TRPM3: variants seen among roughly 807,000 people sequenced by gnomAD.
TRPM3 encodes the protein long transient receptor potential channel 3.
In TRPM3, 77 loss-of-function variants were observed where a neutral mutation model predicts 181.2. The observed-to-expected ratio is 0.42, with a 90% CI of 0.35 to 0.51. The LOEUF (loss-of-function observed/expected upper bound fraction) is 0.51. TRPM3 is among the 20% of genes least tolerant of loss of function. The pLI, the probability that TRPM3 is intolerant of heterozygous loss-of-function variation, is 0.01. For synonymous variants in TRPM3, 745 were observed against 796.4 expected, an observed-to-expected ratio of 0.94 and a Z score of 1.09; for missense variants, 1,759 against 2,196.7, an observed-to-expected ratio of 0.80 and a Z score of 3.98.
At position 70,625,183 on chromosome 9, in the gene TRPM3, A is replaced by G. The variant is rs376349563; in HGVS notation, c.1809+8T>C. The G allele has an allele frequency of 2.5e-6, 4 of 1,613,802 alleles. No homozygotes were observed. The African/African-American group carries it at 5.3e-5, about 22-fold the overall frequency. On this transcript the variant is annotated splice_region_variant and intron_variant, in intron 14 of 25. Coordinates refer to ENST00000677713, the MANE Select transcript of TRPM3 (RefSeq NM_001366145.2). The surrounding 1 kb of genome is among the most constrained non-coding windows in gnomAD (Gnocchi z 4.8). ...CAGGAAGGGCCCCGAATTTGCAGCCAGCCTCACCCTCTTGGGGCCGAAGAG... is the reference window on the plus strand; with the variant it reads ...CAGGAAGGGCCCCGAATTTGCAGCCGGCCTCACCCTCTTGGGGCCGAAGAG...
intron 1 of TRPM3, among the ~76,000 whole-genome samples, chr9:71,224,690 G>T (rs536171238): frequency 6.6e-6 from 1 of 152,016 alleles, no homozygotes; most frequent in South Asian, 2.1e-4. Flanking sequence ...TCAGATATAT[G>T]TAACAAGAAA....
chr9:70,659,965 CTGT>C (rs2060887937), intron 9 of TRPM3, among the ~76,000 whole-genome samples: 1 of 152,130 alleles, frequency 6.6e-6, no homozygotes, highest in Non-Finnish European at 1.5e-5. Context: ...GTTCTTTTGT[CTGT>C]TGTTGTTTTT....
At chr9:71,178,992 G>A (rs552761373) in intron 1 of TRPM3, among the ~76,000 whole-genome samples, 1 of 152,068 alleles carries the variant, frequency 6.6e-6, no homozygotes, top group African/African-American at 2.4e-5. Context: ...ACATTTTAAA[G>A]AACAGTTTAA....
intron 11 of TRPM3, 65 bp downstream of exon 11, chr9:70,638,995 G>T: frequency 6.4e-7 from 1 of 1,558,980 alleles, no homozygotes; most frequent in South Asian, 1.2e-5. Context: ...AGGCATATGG[G>T]GGGCAGGAGA....
At chr9:70,551,711 ATCAT>A (rs2046494366) in intron 24 of TRPM3, among the ~76,000 whole-genome samples, 1 of 152,192 alleles carries the variant, frequency 6.6e-6, no homozygotes, top group African/African-American at 2.4e-5. Flanking sequence ...ACTGCAGGCT[ATCAT>A]TCATTAGAGC....
At chr9:71,182,593 T>A (rs1477418902) in intron 1 of TRPM3, among the ~76,000 whole-genome samples, 1 of 152,172 alleles carries the variant, frequency 6.6e-6, no homozygotes, top group Non-Finnish European at 1.5e-5. Context: ...GAGTCTTACC[T>A]GATCAAATTC....
At chr9:70,832,046 A>T (rs2093969207) in intron 5 of TRPM3, among the ~76,000 whole-genome samples, 2 of 132,334 alleles carry the variant, frequency 1.5e-5, no homozygotes, top group Non-Finnish European at 3.2e-5. Flanking sequence ...ATTAAAAAAA[A>T]AAACCAAACA....
At chr9:70,788,812 T>C (rs2084581180) in intron 6 of TRPM3, among the ~76,000 whole-genome samples, 2 of 152,110 alleles carry the variant, frequency 1.3e-5, no homozygotes, top group Admixed American at 1.3e-4. Context: ...GCACGCAACC[T>C]AGATACCATA....
intron 25 of TRPM3, among the ~76,000 whole-genome samples, chr9:70,549,314 G>C (rs2045883294): frequency 6.6e-6 from 1 of 152,118 alleles, no homozygotes; most frequent in Non-Finnish European, 1.5e-5. Context: ...CTTCTGTCTG[G>C]GAGGACAGCT....
chr9:71,157,971 T>C (rs1451600204), intron 1 of TRPM3, among the ~76,000 whole-genome samples: 1 of 152,150 alleles, frequency 6.6e-6, no homozygotes, highest in Non-Finnish European at 1.5e-5. Context: ...ACAGAACAGT[T>C]GACTGGGTTA....
chr9:70,549,534 G>C lies in TRPM3; in HGVS notation c.3707+8C>G, dbSNP rs1387620889. On this transcript the variant is annotated splice_region_variant and intron_variant, in intron 25 of 25. Transcript: ENST00000677713. ...CATCTGCAGGAGGCAGGTGTCCACA[G>C]AACACACCTTTCTGAAGTCACCCGT... 1 of 1,611,116 alleles carries C rather than the reference G, an allele frequency of 6.2e-7. No homozygotes were observed. The highest frequency in any genetic ancestry group is 1.7e-5 in the Admixed American group (1 of 59,464).
chr9:71,181,065 C>T (rs2077374528), intron 1 of TRPM3, among the ~76,000 whole-genome samples: 1 of 152,124 alleles, frequency 6.6e-6, no homozygotes, highest in Admixed American at 6.6e-5. Context: ...GACCCAGACA[C>T]TTCACGAGTT....
intron 6 of TRPM3, among the ~76,000 whole-genome samples, chr9:70,808,289 T>C (rs2091141757): frequency 6.6e-6 from 1 of 152,210 alleles, no homozygotes; most frequent in Non-Finnish European, 1.5e-5. Context: ...TCAAAATTCT[T>C]CCCTGAATGT....
intron 1 of TRPM3, among the ~76,000 whole-genome samples, chr9:71,057,762 C>G (rs1236952008): frequency 1.3e-5 from 2 of 152,000 alleles, no homozygotes; most frequent in African/African-American, 2.4e-5. Context: ...TTTAGTCCTT[C>G]TCATGGCAAT....
intron 22 of TRPM3, 119 bp downstream of exon 22, chr9:70,590,912 G>T: frequency 7.4e-7 from 1 of 1,353,756 alleles, no homozygotes; most frequent in Non-Finnish European, 1.0e-6. Flanking sequence ...TAGCAAGCTA[G>T]GAATCAGTCC....
At chr9:71,398,489 G>A (rs146509566) in intron 1 of TRPM3, among the ~76,000 whole-genome samples, 2 of 152,272 alleles carry the variant, frequency 1.3e-5, no homozygotes, top group Admixed American at 6.5e-5. Context: ...ATTGGATCAT[G>A]GGGGTGGATT....
At chr9:71,145,871 C>G (rs193007601) in intron 1 of TRPM3, among the ~76,000 whole-genome samples, 2 of 151,566 alleles carry the variant, frequency 1.3e-5, no homozygotes, top group African/African-American at 4.8e-5. Flanking sequence ...CATTAAAATT[C>G]CCCCCTCATT....
In TRPM3 at chr9:71,255,658, T is replaced by C. The variant is rs188102308; in HGVS notation, c.183+190995A>G. On this transcript the variant is annotated intron_variant, in intron 1 of 24. Transcript: ENST00000357533. ...TTTCTTGAGTCTTTGTTGAACTGTG[T>C]TCTTAAACCTGAGCAAAAACATACC... Among the ~76,000 whole-genome samples, 11 of 152,332 alleles carry C rather than the reference T, an allele frequency of 7.2e-5. No homozygotes were observed. In the East Asian group the frequency reaches 2.1e-3, roughly 29 times the overall value.
chr9:70,668,349 A>G (rs1215350975), intron 9 of TRPM3, among the ~76,000 whole-genome samples: 1 of 152,150 alleles, frequency 6.6e-6, no homozygotes, highest in African/African-American at 2.4e-5. Context: ...GTGAGGATTA[A>G]AGTAGTTAAT....
Sources: gnomAD v4.1 joint callset for allele counts (sites outside exome capture counted in the v4.1 genomes callset) on GRCh38, gnomAD v4.1.1 for gene constraint, Gnocchi (gnomAD v3.1) non-coding constraint, MANE v1.5 for transcripts, NCBI Gene and HGNC (gene_info 2026-07-23, HGNC 2026-07-21) for gene names.